Variants in MKLN1 observed in about 807,000 individuals in gnomAD.
MKLN1 encodes the protein muskelin.
MKLN1 carries 18 observed loss-of-function variants against 99.0 expected under a neutral mutation model. The ratio of observed to expected loss-of-function variants is 0.18; its 90% CI spans 0.13 to 0.27. MKLN1 has a LOEUF of 0.27. Ranked by LOEUF, MKLN1 falls within the 10% of genes least tolerant of loss-of-function variation. The pLI is 1.00. For synonymous variants in MKLN1, 288 were observed against 293.2 expected (o/e 0.98, Z 0.18); for missense variants, 621 against 875.9 (o/e 0.71, Z 3.67).
At chr7:131,237,512 G>A (rs1055201570) in intron 3 of MKLN1, among the ~76,000 whole-genome samples, 12 of 152,182 alleles carry the variant, frequency 7.9e-5, no homozygotes, top group Admixed American at 5.2e-4. Context: ...AGAAGAGATA[G>A]GAAGTTTGAT....
intron 3 of MKLN1, among the ~76,000 whole-genome samples, chr7:131,301,163 A>T (rs1197612477): frequency 6.6e-6 from 1 of 152,178 alleles, no homozygotes; most frequent in East Asian, 1.9e-4. Flanking sequence ...TGGGGTGAGG[A>T]TTTTTAAAAG....
chr7:131,484,944 T>G (rs959998842), intron 17 of MKLN1, among the ~76,000 whole-genome samples: 1 of 151,916 alleles, frequency 6.6e-6, no homozygotes, highest in Non-Finnish European at 1.5e-5. Context: ...AAATTAGAAT[T>G]AACAATAAAA....
At chr7:131,237,150 A>G (rs1797334738) in intron 3 of MKLN1, among the ~76,000 whole-genome samples, 2 of 152,178 alleles carry the variant, frequency 1.3e-5, no homozygotes, top group Admixed American at 6.5e-5. Flanking sequence ...CTTAGTGTAT[A>G]TATGCAATTT....
chr7:131,196,375 G>A lies in MKLN1; in HGVS notation c.-296-6482G>A, dbSNP rs529952314. 8.1e-4 allele frequency among the ~76,000 whole-genome samples: 124 copies of A among 152,246 alleles called. 1 individual carries two copies. The highest frequency in any genetic ancestry group is 2.8e-3 in the African/African-American group (118 of 41,538). ...GGATTTTTATGTCTTTCTTCAGAAC[G>A]TCAATCAAGTGGGCATTCATCAAAG... On this transcript the variant is annotated intron_variant, in intron 2 of 7. Coordinates refer to the MKLN1 transcript ENST00000416992.
In MKLN1 at chr7:131,132,982, A is replaced by AG. The variant is rs1294489733; in HGVS notation, c.-418-9838_-418-9837insG. Among the ~76,000 whole-genome samples the AG allele has an allele frequency of 1.5e-3, 195 of 134,296 alleles. 1 individual carries two copies. The highest frequency in any genetic ancestry group is 4.5e-3 in the Middle Eastern group (1 of 224). 88.1% of individuals were successfully genotyped at this position (134,296 alleles called of 152,430 possible). A position where few individuals can be genotyped will look rare whatever the true frequency, so the allele number is the denominator to read the frequency against. On this transcript the variant is annotated intron_variant, in intron 1 of 7. Transcript: ENST00000416992. ...AAGAAAGAAAGAAAGAAAGAAAGAA[A>AG]AACCAGAGCATGACTGTGCCTTGCA...
At chr7:131,285,149 T>C (rs534998958) in intron 3 of MKLN1, 1 of 152,006 alleles carries the variant, frequency 6.6e-6, no homozygotes, top group South Asian at 2.1e-4. Context: ...GTCCTAAGAG[T>C]TTTTTCTCCT....
intron 1 of MKLN1, among the ~76,000 whole-genome samples, chr7:131,368,099 T>C (rs1800235231): frequency 6.6e-6 from 1 of 152,178 alleles, no homozygotes; most frequent in South Asian, 2.1e-4. Context: ...CAATAGGCTC[T>C]ATTACCACTG....
intron 8 of MKLN1, among the ~76,000 whole-genome samples, chr7:131,424,805 C>T (rs917386792): frequency 3.3e-5 from 5 of 152,184 alleles, no homozygotes; most frequent in Admixed American, 2.0e-4. Flanking sequence ...CAATCCCTGT[C>T]ATTCTCAACT....
intron 1 of MKLN1, among the ~76,000 whole-genome samples, chr7:131,142,510 C>T (rs942074401): frequency 4.6e-5 from 7 of 151,644 alleles, no homozygotes; most frequent in Admixed American, 3.9e-4. Flanking sequence ...CCGAGACGGG[C>T]GGATCACAAG....
chr7:131,151,557 C>T (rs917641838), intron 2 of MKLN1, among the ~76,000 whole-genome samples: 1 of 152,088 alleles, frequency 6.6e-6, no homozygotes, highest in South Asian at 2.1e-4. Context: ...CCAATCAAAA[C>T]TAGATGTAAT....
At chr7:131,182,202 A>G (rs888143832) in intron 2 of MKLN1, among the ~76,000 whole-genome samples, 2 of 152,218 alleles carry the variant, frequency 1.3e-5, no homozygotes, top group African/African-American at 4.8e-5. Context: ...TCTGGATTCA[A>G]TATGTTGACA....
intron 12 of MKLN1, among the ~76,000 whole-genome samples, chr7:131,460,302 C>G (rs778995116): frequency 6.6e-6 from 1 of 152,146 alleles, no homozygotes; most frequent in Non-Finnish European, 1.5e-5. Context: ...TAAACTTTAA[C>G]ATTTATGAAT....
At chr7:131,251,227 T>A (rs1488444952) in intron 3 of MKLN1, among the ~76,000 whole-genome samples, 1 of 152,128 alleles carries the variant, frequency 6.6e-6, no homozygotes, top group East Asian at 1.9e-4. Context: ...AGCTTTACCA[T>A]CTTCCGAAAC....
At chr7:131,154,901 C>T (rs1795941727) in intron 2 of MKLN1, among the ~76,000 whole-genome samples, 1 of 152,126 alleles carries the variant, frequency 6.6e-6, no homozygotes, top group Non-Finnish European at 1.5e-5. Context: ...TGTCAGATCA[C>T]CTCCAGAAAG....
At chr7:131,231,862 A>G (rs1033051924) in intron 3 of MKLN1, among the ~76,000 whole-genome samples, 2 of 152,216 alleles carry the variant, frequency 1.3e-5, no homozygotes, top group Non-Finnish European at 2.9e-5. Flanking sequence ...AAGAATGCCA[A>G]TGTCATGCTG....
Position 131,318,118 on chromosome 7 carries a change from T to G in MKLN1, c.-178-57306T>G, listed in dbSNP as rs192492977. Among the ~76,000 whole-genome samples, 362 of 152,238 alleles carry G rather than the reference T, an allele frequency of 2.4e-3. 3 individuals are homozygous for G. The highest frequency in any genetic ancestry group is 8.5e-3 in the African/African-American group (352 of 41,542). ...CTCTGGATCAAGTGGACTTAATAGATATCTATAGAACTCTCCACCCCAGAT... is the reference window on the plus strand; with the variant it reads ...CTCTGGATCAAGTGGACTTAATAGAGATCTATAGAACTCTCCACCCCAGAT... On this transcript the variant is annotated intron_variant, in intron 3 of 7. Coordinates refer to the MKLN1 transcript ENST00000416992.
intron 1 of MKLN1, among the ~76,000 whole-genome samples, chr7:131,348,293 G>GAT (rs1018897387): frequency 4.6e-5 from 7 of 152,054 alleles, no homozygotes; most frequent in East Asian, 1.9e-4. Context: ...TATGCGAACA[G>GAT]ATATATATAT....
At chr7:131,321,705 C>T (rs1377254681) in intron 3 of MKLN1, among the ~76,000 whole-genome samples, 1 of 152,058 alleles carries the variant, frequency 6.6e-6, no homozygotes, top group Non-Finnish European at 1.5e-5. Flanking sequence ...ACAAAGGTAC[C>T]CTTCCAAATG....
chr7:131,426,284 C>A (rs1795354303), intron 8 of MKLN1, among the ~76,000 whole-genome samples: 2 of 152,152 alleles, frequency 1.3e-5, no homozygotes, highest in Admixed American at 1.3e-4. Flanking sequence ...ACCAGGGTAA[C>A]CTTATCCAGA....
Sources: gnomAD v4.1 joint callset for allele counts (sites outside exome capture counted in the v4.1 genomes callset) on GRCh38, gnomAD v4.1.1 for gene constraint, MANE v1.5 for transcripts, NCBI Gene and HGNC (gene_info 2026-07-23, HGNC 2026-07-21) for gene names.